CDH8: variants seen among roughly 807,000 people sequenced by gnomAD.
CDH8 encodes cadherin-8.
CDH8 carries 17 observed loss-of-function variants against 68.1 expected under a neutral mutation model. The ratio of observed to expected loss-of-function variants is 0.25; its 90% CI spans 0.17 to 0.37. CDH8 has a LOEUF of 0.37. CDH8 is among the 10% of genes least tolerant of loss of function. CDH8 has a pLI of 1.00. For missense variants in CDH8, 763 were observed against 999.3 expected (o/e 0.76, Z 3.19); for synonymous variants, 372 against 365.1 (o/e 1.02, Z -0.21).
intron 10 of CDH8, among the ~76,000 whole-genome samples, chr16:61,700,752 G>A (rs1964413046): frequency 6.6e-6 from 1 of 152,130 alleles, no homozygotes; most frequent in African/African-American, 2.4e-5. Context: ...ATGGTGGCAT[G>A]GGTAGCCAAA....
intron 4 of CDH8, among the ~76,000 whole-genome samples, chr16:61,826,764 C>T (rs1962345563): frequency 6.6e-6 from 1 of 151,698 alleles, no homozygotes; most frequent in Admixed American, 6.6e-5. Flanking sequence ...AAATACAATG[C>T]ACCTACACAG....
intron 5 of CDH8, among the ~76,000 whole-genome samples, chr16:61,823,286 C>A (rs1962256828): frequency 1.3e-5 from 2 of 151,794 alleles, no homozygotes; most frequent in Admixed American, 1.3e-4. Context: ...CTTTGTCACT[C>A]TCTCCCTGTC....
chr16:61,853,557 G>C (rs1272557385), intron 4 of CDH8, among the ~76,000 whole-genome samples: 2 of 152,080 alleles, frequency 1.3e-5, no homozygotes, highest in African/African-American at 4.8e-5. Context: ...AAAAGGAACT[G>C]AAGGTTGGTC....
intron 10 of CDH8, among the ~76,000 whole-genome samples, chr16:61,680,938 T>A (rs1384076770): frequency 2.0e-5 from 3 of 151,814 alleles, no homozygotes; most frequent in Admixed American, 2.0e-4. Context: ...ATTACACCAA[T>A]GCAAATTAGA....
chr16:61,867,161 T>C (rs145239463), intron 3 of CDH8, among the ~76,000 whole-genome samples: 50 of 152,270 alleles, frequency 3.3e-4, no homozygotes, highest in African/African-American at 1.2e-3. Context: ...ACAAGAACTA[T>C]GAGTTCACAG....
At chr16:61,768,314 TTCTCTCTC>T (rs1206629963) in intron 8 of CDH8, among the ~76,000 whole-genome samples, 347 of 17,132 alleles carry the variant, frequency 0.02, 3 homozygotes, top group African/African-American at 0.024. Context: ...GTCTCTCCCT[TTCTCTCTC>T]TCTCTCTCTC....
At chr16:61,773,586 T>A (rs550584566) in intron 8 of CDH8, among the ~76,000 whole-genome samples, 1 of 152,122 alleles carries the variant, frequency 6.6e-6, no homozygotes, top group Admixed American at 6.5e-5. Context: ...GTGGCAGTGG[T>A]TCCACATCTC....
intron 10 of CDH8, among the ~76,000 whole-genome samples, chr16:61,666,308 A>C (rs1282179201): frequency 6.6e-6 from 1 of 151,808 alleles, no homozygotes; most frequent in African/African-American, 2.4e-5. Flanking sequence ...GAAATACTCT[A>C]TTCTCTTTGT....
intron 8 of CDH8, among the ~76,000 whole-genome samples, chr16:61,741,195 T>C (rs1332335493): frequency 1.3e-5 from 2 of 152,184 alleles, no homozygotes; most frequent in East Asian, 3.9e-4. Flanking sequence ...CTTGGACATC[T>C]TCTTTGTGAA....
chr16:61,771,893 A>G lies in CDH8; in HGVS notation c.1414+17453T>C, dbSNP rs542518976. Among the ~76,000 whole-genome samples, 53 of 152,000 alleles carry G rather than the reference A, an allele frequency of 3.5e-4. 2 individuals are homozygous for G. In the South Asian group the frequency reaches 9.1e-3, roughly 26 times the overall value. ...CATATCTATTTGACTGCAGTGTACA[A>G]GTTTTTTCCTCCATACTTGTCATCC... On this transcript the variant is annotated intron_variant, in intron 8 of 11. Transcript: ENST00000577390.
chr16:61,967,029 C>A (rs1188855442), intron 2 of CDH8, among the ~76,000 whole-genome samples: 1 of 152,080 alleles, frequency 6.6e-6, no homozygotes, highest in Admixed American at 6.5e-5. Context: ...CACAGCAAAA[C>A]CCCCTCTCTA....
intron 4 of CDH8, among the ~76,000 whole-genome samples, chr16:61,853,236 A>T (rs981221298): frequency 1.2e-4 from 18 of 152,096 alleles, no homozygotes; most frequent in African/African-American, 4.3e-4. Flanking sequence ...TAATTCCATG[A>T]AGTGAAATGT....
At chr16:62,018,516 A>AT (rs1901997153) in intron 2 of CDH8, among the ~76,000 whole-genome samples, 2 of 152,146 alleles carry the variant, frequency 1.3e-5, no homozygotes, top group Admixed American at 1.3e-4. Context: ...GGGCACCCCG[A>AT]TTCAGATCAT....
At chr16:61,884,008 A>G (rs148664034) in intron 3 of CDH8, among the ~76,000 whole-genome samples, 1 of 152,292 alleles carries the variant, frequency 6.6e-6, no homozygotes, top group East Asian at 1.9e-4. Context: ...TGTTAGAAAA[A>G]AAAGGAAAGT....
intron 10 of CDH8, among the ~76,000 whole-genome samples, chr16:61,712,394 G>C (rs1182181185): frequency 6.6e-6 from 1 of 151,592 alleles, no homozygotes; most frequent in Non-Finnish European, 1.5e-5. Flanking sequence ...AAGGATCTCA[G>C]AATATTTGGA....
chr16:61,667,762 T>C (rs1472710445), intron 10 of CDH8: 2 of 152,028 alleles, frequency 1.3e-5, no homozygotes, highest in African/African-American at 4.8e-5. Context: ...GAAAATCTGA[T>C]TACATATATT....
In CDH8 at chr16:61,655,572, C is replaced by T. The variant is rs377367876; in HGVS notation, c.1804G>A (p.Asp602Asn). 9 of 1,614,048 alleles carry T rather than the reference C, an allele frequency of 5.6e-6. No individual in the cohort carries two copies. In the African/African-American group the frequency reaches 1.1e-4, roughly 19 times the overall value. ...ACATTGCAAGACTGGACGACACCGT[C>T]ATTGCTGCAGCCACAGACCCTGATT... The part of the protein sequence containing the change: ...LTIRVCGCSN[D>N]GVVQSCNVEA... Residue 602 changes from aspartate to asparagine, a missense_variant, in exon 11 of 12, where the codon GAC becomes AAC. Around this residue, in one of 2 missense-constraint regions of CDH8, gnomAD observed 397 missense variants for 436.2 expected, o/e 0.91. Transcript: ENST00000577390.
At chr16:61,850,212 AG>A (rs1962910388) in intron 4 of CDH8, among the ~76,000 whole-genome samples, 1 of 152,082 alleles carries the variant, frequency 6.6e-6, no homozygotes, top group South Asian at 2.1e-4. Flanking sequence ...AGAGGGAGCA[AG>A]GCATGTCACA....
rs199930879 is a variant in CDH8, at chr16:61,671,109, G to GA, written c.1655-15389dup. 1.4e-4 allele frequency among the ~76,000 whole-genome samples: 21 copies of GA among 149,634 alleles called. 1 individual carries two copies. Among genetic ancestry groups the GA allele is most frequent in the East Asian group, 3.9e-4 (2 of 5,118 alleles). ...ATATTCATATAAACTGATGCCAAGT[G>GA]AAAAAAAAATCCTGCAGTAATTCAG... On this transcript the variant is annotated intron_variant, in intron 10 of 11. Coordinates refer to ENST00000577390, the MANE Select transcript of CDH8 (RefSeq NM_001796.5).
Sources: gnomAD v4.1 joint callset for allele counts (sites outside exome capture counted in the v4.1 genomes callset) on GRCh38, gnomAD v4.1.1 for gene constraint, gnomAD v4.1.1 regional missense constraint, MANE v1.5 for transcripts, NCBI Gene and HGNC (gene_info 2026-07-23, HGNC 2026-07-21) for gene names.